Variants in SMC1B observed in about 807,000 individuals in gnomAD.
The protein encoded by SMC1B is structural maintenance of chromosomes 1B, also known as structural maintenance of chromosomes protein 1B.
Under a neutral mutation model 157.9 loss-of-function variants are expected in SMC1B, and 60 were observed. The observed-to-expected ratio is 0.38, with a 90% CI of 0.31 to 0.47. The LOEUF (loss-of-function observed/expected upper bound fraction) is 0.47, where lower values mean the gene tolerates loss of function less well. Ranked by LOEUF, SMC1B falls within the 20% of genes least tolerant of loss-of-function variation. The pLI is 0.99. For missense variants in SMC1B, 1,165 were observed against 1,426.2 expected (o/e 0.82, Z 2.95); for synonymous variants, 445 against 483.0 (o/e 0.92, Z 1.03).
intron 9 of SMC1B, among the ~76,000 whole-genome samples, chr22:45,392,481 TTG>T (rs136602): frequency 6.8e-5 from 10 of 147,936 alleles, no homozygotes; most frequent in South Asian, 2.2e-4. Flanking sequence ...TTTTAACTAG[TTG>T]TGTGTGTGTG....
Position 45,412,497 on chromosome 22 carries a change from C to A in SMC1B, c.109+962G>T, listed in dbSNP as rs78442100. On this transcript the variant is annotated intron_variant, in intron 1 of 24. Coordinates refer to ENST00000357450, the MANE Select transcript of SMC1B (RefSeq NM_148674.5). ...TACAGGTGTGAGCCACCGCGCCCAG[C>A]CTTTTTTTTTTTTTTTTTTTTTTTT... Among the ~76,000 whole-genome samples the A allele has an allele frequency of 1.3e-3, 171 of 126,702 alleles. 1 individual carries two copies. The highest frequency in any genetic ancestry group is 5.4e-3 in the African/African-American group (168 of 31,152). The allele number at this position is 126,702 out of a possible 152,430, so 83.1% of individuals were successfully genotyped here. A position where few individuals can be genotyped will look rare whatever the true frequency, so the allele number is the denominator to read the frequency against.
intron 15 of SMC1B, 50 bp from the exon 16 acceptor site, chr22:45,363,076 C>T: frequency 7.6e-7 from 1 of 1,319,744 alleles, no homozygotes; most frequent in Non-Finnish European, 1.0e-6. Flanking sequence ...AACTTTGATT[C>T]CTTCTTTTTT....
chr22:45,391,079 A>T (rs570411586), intron 9 of SMC1B, among the ~76,000 whole-genome samples: 19 of 144,984 alleles, frequency 1.3e-4, no homozygotes, highest in South Asian at 6.5e-4. Flanking sequence ...TTTTTTTTTT[A>T]AAGAGATGAG....
chr22:45,353,896 A>AAAC, intron 21 of SMC1B, 82 bp downstream of exon 21: 1 of 428,282 alleles, frequency 2.3e-6, no homozygotes, highest in Non-Finnish European at 3.7e-6. Context: ...TTCCCACCAA[A>AAAC]AAAAAAAAAA....
At chr22:45,361,726 A>G in intron 17 of SMC1B, 113 bp downstream of exon 17, 1 of 1,039,176 alleles carries the variant, frequency 9.6e-7, no homozygotes, top group Non-Finnish European at 1.4e-6. Context: ...ATGTGAGACC[A>G]AGAGCAACAA....
intron 12 of SMC1B, among the ~76,000 whole-genome samples, chr22:45,375,696 C>T (rs1258284475): frequency 6.6e-6 from 1 of 152,134 alleles, no homozygotes; most frequent in African/African-American, 2.4e-5. Context: ...GCCTTTTCTA[C>T]ATATGATGAC....
chr22:45,411,767 T>C (rs1421695635), intron 1 of SMC1B, among the ~76,000 whole-genome samples: 1 of 151,982 alleles, frequency 6.6e-6, no homozygotes, highest in Non-Finnish European at 1.5e-5. Context: ...GTATTTTTAG[T>C]ACAGATGGGG....
chr22:45,378,605 A>G (rs1287056298), intron 12 of SMC1B, among the ~76,000 whole-genome samples: 1 of 152,152 alleles, frequency 6.6e-6, no homozygotes, highest in Non-Finnish European at 1.5e-5. Context: ...ATGTTCCACT[A>G]TATTTTTATT....
intron 12 of SMC1B, among the ~76,000 whole-genome samples, chr22:45,382,643 AAATC>A (rs144518793): frequency 0.53 from 17,841 of 33,404 alleles, 1,226 homozygotes; most frequent in South Asian, 0.57. Context: ...AGCTGACTAA[AAATC>A]AAATGAAAAA....
At chr22:45,408,552 TTC>T (rs1399753936) in intron 2 of SMC1B, among the ~76,000 whole-genome samples, 156 bp downstream of exon 2, 1 of 152,208 alleles carries the variant, frequency 6.6e-6, no homozygotes, top group Non-Finnish European at 1.5e-5. Flanking sequence ...ATCAAACAGG[TTC>T]TGTTACTTGC....
chr22:45,369,699 C>T (rs964348378), intron 15 of SMC1B, among the ~76,000 whole-genome samples: 14 of 151,568 alleles, frequency 9.2e-5, no homozygotes, highest in South Asian at 4.2e-4. Context: ...CCTGCCACCA[C>T]GCCTGGCTAA....
At chr22:45,401,829 G>A (rs1256204604) in intron 5 of SMC1B, among the ~76,000 whole-genome samples, 1 of 139,298 alleles carries the variant, frequency 7.2e-6, no homozygotes, top group African/African-American at 2.9e-5. Context: ...TCCTTGCTGT[G>A]AGGCAATGAA....
intron 18 of SMC1B, among the ~76,000 whole-genome samples, chr22:45,359,400 G>A (rs368449891): frequency 1.3e-5 from 2 of 152,144 alleles, no homozygotes; most frequent in Non-Finnish European, 1.5e-5. Flanking sequence ...CTCCTGTTCC[G>A]TCACCACCTG....
intron 21 of SMC1B, 106 bp downstream of exon 21, chr22:45,353,872 G>A (rs2086638893): frequency 1.1e-6 from 1 of 873,764 alleles, no homozygotes; most frequent in Admixed American, 3.6e-5. Context: ...CTCAAATAAT[G>A]TGGCAGTGGT....
chr22:45,385,676 A>G (rs1251289281), intron 11 of SMC1B, among the ~76,000 whole-genome samples: 1 of 152,134 alleles, frequency 6.6e-6, no homozygotes, highest in Non-Finnish European at 1.5e-5. Context: ...GACTATACAA[A>G]TCTTCAAATA....
In SMC1B at chr22:45,349,719, GA is replaced by G. The variant is rs2146755560; in HGVS notation, c.3495+8del. ...GACAGTCTATTGAAAATGAAAAGCAGAAACTTACTTTGCCTATGTTAGTATT... is the reference window on the plus strand; with the variant it reads ...GACAGTCTATTGAAAATGAAAAGCAGAACTTACTTTGCCTATGTTAGTATT... On this transcript the variant is annotated splice_region_variant and intron_variant, in intron 23 of 24. Transcript: ENST00000357450. 1.2e-6 allele frequency: 2 copies of G among 1,607,634 alleles called. No individual in the cohort carries two copies. Among genetic ancestry groups the G allele is most frequent in the South Asian group, 2.2e-5 (2 of 90,208 alleles).
chr22:45,356,310 A>G (rs1246993742), intron 19 of SMC1B, among the ~76,000 whole-genome samples: 1 of 152,242 alleles, frequency 6.6e-6, no homozygotes, highest in African/African-American at 2.4e-5. Flanking sequence ...TGGTTCAGCA[A>G]TGAATATGTG....
Position 45,370,115 on chromosome 22 carries a change from A to G in SMC1B, c.2314-55T>C, listed in dbSNP as rs928399830. The G allele has an allele frequency of 6.0e-6, 6 of 1,003,868 alleles. No homozygotes were observed. In the African/African-American group the frequency reaches 8.5e-5, roughly 14 times the overall value. The allele number at this position is 1,003,868 out of a possible 1,614,324, so 62.2% of individuals were successfully genotyped here. On this transcript the variant is annotated intron_variant, in intron 14 of 24. Transcript: ENST00000357450. ...AATAAGCAATTTTAAGAAATATATA[A>G]TCTTAAATATGTTTTTCCCTCCAAG...
chr22:45,345,675 G>A, intron 23 of SMC1B, 106 bp from the exon 24 acceptor site: 1 of 659,150 alleles, frequency 1.5e-6, no homozygotes, highest in Non-Finnish European at 2.7e-6. Context: ...TAGGTGACAA[G>A]GACTTATCCA....
Sources: allele counts gnomAD v4.1 joint callset (sites outside exome capture counted in the v4.1 genomes callset), GRCh38; gene constraint gnomAD v4.1.1; transcripts MANE v1.5; gene names NCBI Gene and HGNC (gene_info 2026-07-23, HGNC 2026-07-21).